Variants in MTMR2 observed in about 807,000 individuals in gnomAD.
The protein encoded by MTMR2 is phosphatidylinositol-3,5-bisphosphate 3-phosphatase MTMR2.
A neutral mutation model predicts 86.9 loss-of-function variants in MTMR2; 55 were observed. The ratio of observed to expected loss-of-function variants is 0.63; its 90% CI spans 0.51 to 0.79. MTMR2 has a LOEUF of 0.79. Among genes scored for constraint, MTMR2 ranks in the 30% least tolerant of loss-of-function variants. MTMR2 has a pLI of 0.00. For missense variants in MTMR2, 659 were observed against 772.3 expected, an observed-to-expected ratio of 0.85 and a Z score of 1.74; for synonymous variants, 241 against 266.8, an observed-to-expected ratio of 0.90 and a Z score of 0.94.
chr11:95,905,764 C>A (rs1432783168), intron 1 of MTMR2, among the ~76,000 whole-genome samples: 1 of 151,954 alleles, frequency 6.6e-6, no homozygotes, highest in Non-Finnish European at 1.5e-5. Flanking sequence ...TCAGCATTTA[C>A]AACATATCCA....
chr11:95,884,434 G>A (rs1029975800), intron 2 of MTMR2, among the ~76,000 whole-genome samples: 3 of 152,102 alleles, frequency 2.0e-5, no homozygotes, highest in Non-Finnish European at 2.9e-5. Context: ...ACTGTGGGAG[G>A]AGTCTCTCCT....
chr11:95,907,787 G>A (rs548986737), intron 1 of MTMR2: 29 of 361,562 alleles, frequency 8.0e-5, no homozygotes, highest in African/African-American at 5.8e-4. Context: ...GACAGATGCA[G>A]AAAAGGCTTT....
At chr11:95,870,045 T>C (rs997449714) in intron 2 of MTMR2, among the ~76,000 whole-genome samples, 3 of 152,212 alleles carry the variant, frequency 2.0e-5, no homozygotes, top group Non-Finnish European at 4.4e-5. Flanking sequence ...TAGATATAAA[T>C]TTTATATCAA....
At chr11:95,842,360 C>T (rs1347123335) in intron 11 of MTMR2, among the ~76,000 whole-genome samples, 5 of 152,192 alleles carry the variant, frequency 3.3e-5, no homozygotes, top group African/African-American at 9.7e-5. Flanking sequence ...TACATGGACA[C>T]TGGCCTCAGA....
At chr11:95,848,086 C>T (rs1863871685) in intron 9 of MTMR2, among the ~76,000 whole-genome samples, 187 bp from the exon 10 acceptor site, 1 of 152,126 alleles carries the variant, frequency 6.6e-6, no homozygotes, top group Non-Finnish European at 1.5e-5. Flanking sequence ...TTCTTCTTTA[C>T]AAAATGAATA....
intron 2 of MTMR2, among the ~76,000 whole-genome samples, chr11:95,883,162 A>G (rs923421477): frequency 2.0e-5 from 3 of 152,030 alleles, no homozygotes; most frequent in African/African-American, 7.2e-5. Flanking sequence ...TCTTTCAATA[A>G]CCATCATTTG....
rs1863086828 is a variant in MTMR2, at chr11:95,832,982, C to A, written c.*2308G>T. 1 of 152,054 alleles carries A rather than the reference C, an allele frequency of 6.6e-6. No homozygotes were observed. The highest frequency in any genetic ancestry group is 1.5e-5 in the Non-Finnish European group (1 of 68,000). 9.4% of individuals were successfully genotyped at this position (152,054 alleles called of 1,614,324 possible). Reference sequence around the variant, plus strand: ...GTTCATTCCAATATAATGTGAATTGCAGTGGTAGTAGCGGTATACACAGTG... The same window carrying A: ...GTTCATTCCAATATAATGTGAATTGAAGTGGTAGTAGCGGTATACACAGTG... On this transcript the variant is annotated 3_prime_UTR_variant, in exon 15 of 15. Coordinates refer to ENST00000346299, the MANE Select transcript of MTMR2 (RefSeq NM_016156.6).
At chr11:95,891,483 T>C (rs1212529736) in intron 1 of MTMR2, among the ~76,000 whole-genome samples, 2 of 149,362 alleles carry the variant, frequency 1.3e-5, no homozygotes, top group Non-Finnish European at 3.0e-5. Flanking sequence ...AGAAACCAAA[T>C]GGCTCTTTAG....
At chr11:95,909,380 G>C (rs1184222190) in intron 1 of MTMR2, among the ~76,000 whole-genome samples, 1 of 152,122 alleles carries the variant, frequency 6.6e-6, no homozygotes, top group Non-Finnish European at 1.5e-5. Context: ...CTAAACAAAT[G>C]AAGTTTGGTA....
Position 95,849,809 on chromosome 11 carries a change from C to T in MTMR2, c.858G>A (p.Gln286=), listed in dbSNP as rs1378386366. Residue 286 remains glutamine (Q), a synonymous_variant, in exon 9 of 15, where the codon CAG becomes CAA. Transcript: ENST00000346299. ...ESQATITRCS[Q]PMVGVSGKRS... ...GCTTTCCACTCACTCCAACCATGGG[C>T]TGGCTACACCGAGTGATTGTGGCTT... 1.2e-6 allele frequency: 2 copies of T among 1,614,168 alleles called. No individual in the cohort carries two copies. Among genetic ancestry groups the T allele is most frequent in the African/African-American group, 1.3e-5 (1 of 75,072 alleles).
intron 2 of MTMR2, among the ~76,000 whole-genome samples, chr11:95,868,303 A>AAAAAAAAAAAAAAAAAAAAAAAAAAAAG (rs1565362661): frequency 2.0e-4 from 14 of 68,294 alleles, no homozygotes; most frequent in East Asian, 4.4e-4. Context: ...AAAAAAAAAG[A>AAAAAAAAAAAAAAAAAAAAAAAAAAAAG]AAGAAAAAGA....
intron 2 of MTMR2, among the ~76,000 whole-genome samples, chr11:95,871,403 G>A (rs1036435663): frequency 2.2e-4 from 34 of 152,232 alleles, no homozygotes; most frequent in African/African-American, 8.2e-4. Flanking sequence ...AGCACCTGTT[G>A]TTTCCTGACT....
chr11:95,850,999 G>C (rs1293669839), intron 7 of MTMR2, among the ~76,000 whole-genome samples: 1 of 151,336 alleles, frequency 6.6e-6, no homozygotes, highest in Non-Finnish European at 1.5e-5. Context: ...ATTCAGTGTG[G>C]ACCTGTGCTA....
In MTMR2 at chr11:95,848,368, T is replaced by G. The variant is rs1016360680; in HGVS notation, c.994-469A>C. On this transcript the variant is annotated intron_variant, in intron 9 of 14. Transcript: ENST00000346299. ...TAATCTTCATATCTGAGAAATAAAC[T>G]CTTTGCAATCAAAATGACCTGCTTC... 1.3e-5 allele frequency among the ~76,000 whole-genome samples: 2 copies of G among 152,176 alleles called. 1 individual carries two copies. Among genetic ancestry groups the G allele is most frequent in the South Asian group, 4.1e-4 (2 of 4,834 alleles).
rs114628396 is a variant in MTMR2 at position 95,845,292 on chromosome 11, G to T, written c.1180-133C>A. On this transcript the variant is annotated intron_variant, in intron 10 of 14. Transcript: ENST00000346299. ...AAAAACATTTGTCCCTTCCTAAGAAGAATTTTTTTAAATGGTAGAAGATAT... is the reference window on the plus strand; with the variant it reads ...AAAAACATTTGTCCCTTCCTAAGAATAATTTTTTTAAATGGTAGAAGATAT... The T allele has an allele frequency of 3.6e-5, 31 of 850,536 alleles. No individual in the cohort carries two copies. In the African/African-American group the frequency reaches 4.6e-4, roughly 13 times the overall value. 52.7% of individuals were successfully genotyped at this position (850,536 alleles called of 1,614,324 possible).
intron 12 of MTMR2, among the ~76,000 whole-genome samples, chr11:95,840,320 T>G (rs1863491260): frequency 6.6e-6 from 1 of 151,966 alleles, no homozygotes; most frequent in Non-Finnish European, 1.5e-5. Context: ...CTACCAAGAG[T>G]CAAAGGCTAT....
At chr11:95,848,225 T>C (rs937891759) in intron 9 of MTMR2, among the ~76,000 whole-genome samples, 1 of 152,166 alleles carries the variant, frequency 6.6e-6, no homozygotes, top group Non-Finnish European at 1.5e-5. Context: ...AAACATAAGT[T>C]CTTACAGATG....
chr11:95,889,703 A>C (rs1312777745), intron 1 of MTMR2, among the ~76,000 whole-genome samples: 2 of 152,122 alleles, frequency 1.3e-5, no homozygotes, highest in East Asian at 3.9e-4. Context: ...ACCTGTGTAC[A>C]CTGTTAACAT....
At chr11:95,842,721 G>A (rs761668371) in intron 11 of MTMR2, among the ~76,000 whole-genome samples, 2 of 152,218 alleles carry the variant, frequency 1.3e-5, no homozygotes, top group Non-Finnish European at 2.9e-5. Context: ...CACTAATGAT[G>A]CAGAAGTTAT....
Sources: allele counts gnomAD v4.1 joint callset (sites outside exome capture counted in the v4.1 genomes callset), GRCh38; gene constraint gnomAD v4.1.1; transcripts MANE v1.5; gene names NCBI Gene and HGNC (gene_info 2026-07-23, HGNC 2026-07-21).